AMZ2: variants seen among roughly 807,000 people sequenced by gnomAD.
AMZ2 encodes archaemetzincin-2.
Under a neutral mutation model 36.7 loss-of-function variants are expected in AMZ2, and 26 were observed. The ratio of observed to expected loss-of-function variants is 0.71; its 90% CI spans 0.52 to 0.98. The LOEUF is 0.98. Among genes scored for constraint, AMZ2 ranks in the 50% least tolerant of loss-of-function variants. The probability of loss-of-function intolerance (pLI) is 0.00; values close to 1 mark genes in which losing one functional copy is unlikely to be tolerated. For missense variants in AMZ2, 394 were observed against 430.5 expected, an observed-to-expected ratio of 0.92 and a Z score of 0.75; for synonymous variants, 144 against 149.1, an observed-to-expected ratio of 0.97 and a Z score of 0.25.
At chr17:68,214,895 T>C (rs1568342854) in intron 1 of AMZ2, among the ~76,000 whole-genome samples, 1 of 152,164 alleles carries the variant, frequency 6.6e-6, no homozygotes, top group Non-Finnish European at 1.5e-5. Flanking sequence ...GCAGTCCTCC[T>C]GCTTCAGTCC....
intron 1 of AMZ2, 140 bp downstream of exon 1, chr17:68,248,845 T>A: frequency 1.1e-6 from 1 of 895,726 alleles, no homozygotes; most frequent in Non-Finnish European, 1.4e-6. Context: ...TCTGGAATTT[T>A]AGTCAGCCTC....
chr17:68,227,291 C>G (rs182204783), intron 1 of AMZ2, among the ~76,000 whole-genome samples: 1 of 152,186 alleles, frequency 6.6e-6, no homozygotes, highest in African/African-American at 2.4e-5. Flanking sequence ...GGTCCTCCCC[C>G]CTGGCTTATT....
At chr17:68,227,014 CATA>C (rs1422552469) in intron 1 of AMZ2, among the ~76,000 whole-genome samples, 2 of 150,738 alleles carry the variant, frequency 1.3e-5, no homozygotes, top group Non-Finnish European at 2.9e-5. Context: ...TGTTGTTATA[CATA>C]ATAACTTCTA....
chr17:68,222,739 A>G (rs1232226756), intron 1 of AMZ2, among the ~76,000 whole-genome samples: 2 of 152,134 alleles, frequency 1.3e-5, no homozygotes, highest in African/African-American at 4.8e-5. Flanking sequence ...AAGAAAATCT[A>G]ATGCCACCGC....
upstream of AMZ2, among the ~76,000 whole-genome samples, chr17:68,244,284 T>C (rs1384611849): frequency 6.6e-6 from 1 of 152,194 alleles, no homozygotes; most frequent in Non-Finnish European, 1.5e-5. Context: ...CAGGGCATCA[T>C]GTCTACAATT....
At chr17:68,247,082 C>T (rs1325834529), upstream of AMZ2, 1 of 151,102 alleles carries the variant, frequency 6.6e-6, no homozygotes, top group East Asian at 1.9e-4. Context: ...CGCCTGTAAT[C>T]CCAGCACTTT....
At chr17:68,207,313 A>ATCCCCCC (rs2072865347) in intron 1 of AMZ2, 1 of 110,654 alleles carries the variant, frequency 9.0e-6, no homozygotes, top group Non-Finnish European at 1.9e-5. Context: ...TTTGTTAAAT[A>ATCCCCCC]CCCCCCCCCC....
intron 1 of AMZ2, among the ~76,000 whole-genome samples, chr17:68,212,593 CTT>C (rs1397224401): frequency 6.6e-6 from 1 of 151,944 alleles, no homozygotes; most frequent in Non-Finnish European, 1.5e-5. Flanking sequence ...TTCAGGGTCT[CTT>C]TCACCCTGTC....
At position 68,233,212 on chromosome 17, in the gene AMZ2, A is replaced by T. The variant is rs530825012; in HGVS notation, c.-66-15428A>T. Reference sequence around the variant, plus strand: ...CCCATGTTTACCAAGAAAGCTTGTTATAAATTGGCTTCCTGGCTGGGCGTG... The same window carrying T: ...CCCATGTTTACCAAGAAAGCTTGTTTTAAATTGGCTTCCTGGCTGGGCGTG... On this transcript the variant is annotated intron_variant, in intron 1 of 7. Transcript: ENST00000674770. Among the ~76,000 whole-genome samples the T allele has an allele frequency of 9.4e-4, 143 of 152,302 alleles. 2 individuals are homozygous for T. Among genetic ancestry groups the T allele is most frequent in the Non-Finnish European group, 4.9e-4 (33 of 68,016 alleles).
upstream of AMZ2, among the ~76,000 whole-genome samples, chr17:68,246,370 G>A (rs1568367494): frequency 6.6e-6 from 1 of 151,866 alleles, no homozygotes; most frequent in African/African-American, 2.4e-5. Flanking sequence ...TTCGTGTCAA[G>A]TAATAATAAT....
At chr17:68,253,115 T>C (rs1599429202) in intron 4 of AMZ2, among the ~76,000 whole-genome samples, 2 of 152,210 alleles carry the variant, frequency 1.3e-5, no homozygotes, top group Admixed American at 6.5e-5. Context: ...TGTAGGATTA[T>C]TGGAAGAAGG....
At chr17:68,221,684 C>T (rs1962820657) in intron 1 of AMZ2, among the ~76,000 whole-genome samples, 1 of 151,844 alleles carries the variant, frequency 6.6e-6, no homozygotes, top group South Asian at 2.1e-4. Flanking sequence ...GCCGAGATCA[C>T]ACCACTGCAC....
At chr17:68,247,418 T>A (rs2074074722), upstream of AMZ2, 1 of 144,668 alleles carries the variant, frequency 6.9e-6, no homozygotes, top group Admixed American at 7.0e-5. Context: ...CACCAGAGGG[T>A]ACAGAGCTAG....
intron 1 of AMZ2, among the ~76,000 whole-genome samples, chr17:68,208,551 C>A (rs1489430322): frequency 6.6e-6 from 1 of 152,160 alleles, no homozygotes; most frequent in Non-Finnish European, 1.5e-5. Flanking sequence ...GACCAATCAG[C>A]AGGATTTTGA....
At chr17:68,256,714 G>A in intron 6 of AMZ2, 100 bp from the exon 7 acceptor site, 1 of 1,209,820 alleles carries the variant, frequency 8.3e-7, no homozygotes, top group Admixed American at 2.5e-5. Flanking sequence ...GTCTTCATGG[G>A]GTAATATGTC....
At chr17:68,239,849 T>G (rs143849638) in intron 1 of AMZ2, among the ~76,000 whole-genome samples, 87 of 152,224 alleles carry the variant, frequency 5.7e-4, no homozygotes, top group Non-Finnish European at 1.0e-3. Flanking sequence ...CAGCCAAAGA[T>G]TACCAGATGT....
chr17:68,229,627 G>T (rs1461980099), intron 1 of AMZ2, among the ~76,000 whole-genome samples: 2 of 152,228 alleles, frequency 1.3e-5, no homozygotes, highest in African/African-American at 4.8e-5. Flanking sequence ...TTAAACAGGG[G>T]ATACTGGGTG....
intron 1 of AMZ2, among the ~76,000 whole-genome samples, chr17:68,219,467 A>G (rs1340273411): frequency 6.6e-6 from 1 of 152,192 alleles, no homozygotes; most frequent in Non-Finnish European, 1.5e-5. Context: ...TCTTTCTCTG[A>G]GTACTTATCC....
At chr17:68,219,963 A>G (rs1315731694) in intron 1 of AMZ2, among the ~76,000 whole-genome samples, 3 of 152,190 alleles carry the variant, frequency 2.0e-5, no homozygotes, top group Non-Finnish European at 4.4e-5. Flanking sequence ...ATTCAATCTA[A>G]TTCAAATCTC....
Sources: allele counts gnomAD v4.1 joint callset (sites outside exome capture counted in the v4.1 genomes callset), GRCh38; gene constraint gnomAD v4.1.1; transcripts MANE v1.5; gene names NCBI Gene and HGNC (gene_info 2026-07-23, HGNC 2026-07-21).